Variants in BSPH1 observed in about 807,000 individuals in gnomAD.
BSPH1 encodes binder of sperm protein homolog 1, also known as binder of sperm 1.
In BSPH1, 21 loss-of-function variants were observed where a neutral mutation model predicts 22.5. The observed-to-expected ratio is 0.93, with a 90% confidence interval of 0.66 to 1.35. BSPH1 has a LOEUF of 1.35. BSPH1 is among the 40% of genes most tolerant of loss of function. BSPH1 has a pLI of 0.00. For missense variants in BSPH1, 141 were observed against 154.2 expected, an observed-to-expected ratio of 0.91 and a Z score of 0.45; for synonymous variants, 42 against 53.6, an observed-to-expected ratio of 0.78 and a Z score of 0.95.
Position 47,989,241 on chromosome 19 carries a change from G to A in BSPH1, c.73+2768C>T, listed in dbSNP as rs547587134. On this transcript the variant is annotated intron_variant, in intron 1 of 5. Coordinates refer to ENST00000344839, the MANE Select transcript of BSPH1 (RefSeq NM_001128326.2). ...GGTCACTGCAACCTCCGCCTCTTGGGTTCAAGTGATTCTCCTGCCTCAGCC... is the reference window on the plus strand; with the variant it reads ...GGTCACTGCAACCTCCGCCTCTTGGATTCAAGTGATTCTCCTGCCTCAGCC... Among the ~76,000 whole-genome samples the A allele has an allele frequency of 2.0e-5, 3 of 151,558 alleles. No individual in the cohort carries two copies. The South Asian group carries it at 6.3e-4, about 32-fold the overall frequency.
intron 5 of BSPH1, among the ~76,000 whole-genome samples, chr19:47,969,607 GGATAAA>G (rs1266927654): frequency 6.7e-6 from 1 of 148,718 alleles, no homozygotes; most frequent in East Asian, 2.0e-4. Context: ...TAACTAGAAG[GGATAAA>G]GAGAATCTTA....
intron 3 of BSPH1, 103 bp from the exon 4 acceptor site, chr19:47,977,607 T>G: frequency 6.8e-7 from 1 of 1,480,662 alleles, no homozygotes; most frequent in Non-Finnish European, 9.0e-7. Flanking sequence ...TCAGAGTCAT[T>G]GGCTGTGGCT....
In BSPH1 at chr19:47,992,123, T is replaced by G. The variant is rs1966876618; in HGVS notation, c.-42A>C. On this transcript the variant is annotated 5_prime_UTR_variant, in exon 1 of 6. Coordinates refer to ENST00000344839, the MANE Select transcript of BSPH1 (RefSeq NM_001128326.2). ...CCCGGTATCTCAGATCTTCCTGGTC[T>G]TTGTCAGCCAGGGCTCAAGAATCCC... The G allele has an allele frequency of 6.0e-6, 9 of 1,503,640 alleles. No individual in the cohort carries two copies. The highest frequency in any genetic ancestry group is 8.2e-6 in the Non-Finnish European group (9 of 1,103,998). 93.1% of individuals were successfully genotyped at this position (1,503,640 alleles called of 1,614,324 possible).
intron 5 of BSPH1, among the ~76,000 whole-genome samples, chr19:47,971,880 C>A (rs1354409595): frequency 1.3e-5 from 2 of 152,202 alleles, no homozygotes; most frequent in African/African-American, 4.8e-5. Context: ...ACATTAATAT[C>A]TGTTACCAAT....
chr19:47,976,249 C>G (rs145224704), intron 5 of BSPH1, among the ~76,000 whole-genome samples: 1 of 152,082 alleles, frequency 6.6e-6, no homozygotes, highest in South Asian at 2.1e-4. Flanking sequence ...CTCAGCTTCC[C>G]GAGTAGCTGA....
chr19:47,985,359 A>AG (rs2122260954), intron 1 of BSPH1, among the ~76,000 whole-genome samples: 1 of 152,288 alleles, frequency 6.6e-6, no homozygotes, highest in East Asian at 1.9e-4. Context: ...CAGTGTTGAG[A>AG]GAAAAAAAAG....
intron 1 of BSPH1, chr19:47,981,692 G>C (rs987523454): frequency 1.1e-6 from 1 of 870,774 alleles, no homozygotes; most frequent in Non-Finnish European, 1.4e-6. Flanking sequence ...AAAATGGAGA[G>C]AGAACATTAG....
At chr19:47,989,538 G>A (rs7255134) in intron 1 of BSPH1, among the ~76,000 whole-genome samples, 12,930 of 150,810 alleles carry the variant, frequency 0.086, 642 homozygotes, top group Non-Finnish European at 0.11. Context: ...CACTCATCAA[G>A]AACTGGGACT....
chr19:47,984,665 C>T (rs1969452095), intron 1 of BSPH1, among the ~76,000 whole-genome samples: 1 of 152,104 alleles, frequency 6.6e-6, no homozygotes, highest in Admixed American at 6.6e-5. Context: ...CCAAATACCA[C>T]ATGTTCTCAC....
chr19:47,976,605 AACCCTCTCTAATGAG>A, intron 5 of BSPH1, 90 bp downstream of exon 5: 4 of 769,146 alleles, frequency 5.2e-6, no homozygotes, highest in Non-Finnish European at 6.0e-6. Flanking sequence ...AACAAAAAAA[AACCCTCTCTAATGAG>A]AAAGGGTTCT....
At chr19:47,983,841 A>ATT (rs57655745) in intron 1 of BSPH1, among the ~76,000 whole-genome samples, 65,214 of 147,872 alleles carry the variant, frequency 0.44, 14,643 homozygotes, top group African/African-American at 0.51. Flanking sequence ...TTGAAGAGAA[A>ATT]TTTTTTTTTT....
At chr19:47,975,290 C>A (rs1276101132) in intron 5 of BSPH1, among the ~76,000 whole-genome samples, 3 of 152,196 alleles carry the variant, frequency 2.0e-5, no homozygotes, top group Admixed American at 2.0e-4. Context: ...CTCTGCCTCC[C>A]AAAGTGCTGG....
chr19:47,986,749 T>A (rs1820690), intron 1 of BSPH1, among the ~76,000 whole-genome samples: 97,988 of 150,792 alleles, frequency 0.65, 32,405 homozygotes, highest in African/African-American at 0.75. Context: ...TATCTAAAAA[T>A]AAAATAAAAT....
intron 1 of BSPH1, among the ~76,000 whole-genome samples, chr19:47,986,456 T>A (rs1006113660): frequency 6.6e-6 from 1 of 152,130 alleles, no homozygotes; most frequent in Non-Finnish European, 1.5e-5. Flanking sequence ...AGAATTTTAC[T>A]GGTCAGGCAT....
rs149194251 is a variant in BSPH1 at position 47,990,038 on chromosome 19, G to A, written c.73+1971C>T. 2.8e-3 allele frequency among the ~76,000 whole-genome samples: 423 copies of A among 149,036 alleles called. 1 individual carries two copies. The highest frequency in any genetic ancestry group is 9.4e-3 in the African/African-American group (383 of 40,624). On this transcript the variant is annotated intron_variant, in intron 1 of 5. Coordinates refer to ENST00000344839, the MANE Select transcript of BSPH1 (RefSeq NM_001128326.2). ...GGAGGCTGAGGCAGGAGAATTGCTCGAATCTGGGAGGCTGAGGTTGCGGTG... is the reference window on the plus strand; with the variant it reads ...GGAGGCTGAGGCAGGAGAATTGCTCAAATCTGGGAGGCTGAGGTTGCGGTG...
At chr19:47,991,785 T>C (rs1600095922) in intron 1 of BSPH1, among the ~76,000 whole-genome samples, 5 of 44,606 alleles carry the variant, frequency 1.1e-4, no homozygotes, top group Non-Finnish European at 1.9e-4. Context: ...CCTCCCCCCT[T>C]CTCCCCCCTT....
At chr19:47,990,478 TA>T (rs898070577) in intron 1 of BSPH1, among the ~76,000 whole-genome samples, 165 of 149,614 alleles carry the variant, frequency 1.1e-3, no homozygotes, top group African/African-American at 3.2e-3. Context: ...ATGTCTGATT[TA>T]AAAAAAAAAC....
intron 5 of BSPH1, among the ~76,000 whole-genome samples, chr19:47,969,775 T>TTG (rs200640734): frequency 1.0e-4 from 13 of 128,436 alleles, no homozygotes; most frequent in African/African-American, 2.4e-4. Context: ...TAGAATTTAT[T>TTG]TGTGTGTGTG....
chr19:47,972,443 T>A lies in BSPH1; in HGVS notation c.*3-4234A>T, dbSNP rs570490564. Among the ~76,000 whole-genome samples, 4 of 152,260 alleles carry A rather than the reference T, an allele frequency of 2.6e-5. No individual in the cohort carries two copies. In the South Asian group the frequency reaches 8.3e-4, roughly 32 times the overall value. On this transcript the variant is annotated intron_variant, in intron 5 of 5. Coordinates refer to ENST00000344839, the MANE Select transcript of BSPH1 (RefSeq NM_001128326.2). ...TTTTGTATCATCTCCCTCCTCCCAC[T>A]CTCCACCATCCAGTGGGCCCTGGTG...
Sources: allele counts gnomAD v4.1 joint callset (sites outside exome capture counted in the v4.1 genomes callset), GRCh38; gene constraint gnomAD v4.1.1; transcripts MANE v1.5; gene names NCBI Gene and HGNC (gene_info 2026-07-23, HGNC 2026-07-21).